Variants in MYH9 observed in about 807,000 individuals in gnomAD.
The protein encoded by MYH9 is myosin heavy chain 9, also known as myosin-9.
A neutral mutation model predicts 241.9 loss-of-function variants in MYH9; 29 were observed. That is an observed-to-expected ratio of 0.12 (90% CI 0.09 to 0.16). The LOEUF (loss-of-function observed/expected upper bound fraction) is 0.16. Among genes scored for constraint, MYH9 ranks in the 10% least tolerant of loss-of-function variants. The pLI is 1.00. For synonymous variants in MYH9, 1,047 were observed against 1,062.6 expected (o/e 0.99, Z 0.29); for missense variants, 1,803 against 2,595.5 (o/e 0.69, Z 6.63).
At chr22:36,356,784 T>C (rs2017864223) in intron 1 of MYH9, among the ~76,000 whole-genome samples, 1 of 152,162 alleles carries the variant, frequency 6.6e-6, no homozygotes, top group Non-Finnish European at 1.5e-5. Flanking sequence ...CCTAGGTGAC[T>C]AGGTGGAGTG....
chr22:36,287,215 CCTTTT>C (rs1334482309), intron 34 of MYH9, among the ~76,000 whole-genome samples: 1 of 152,204 alleles, frequency 6.6e-6, no homozygotes, highest in Non-Finnish European at 1.5e-5. Context: ...AAACACCTTT[CCTTTT>C]GTTATTCTCC....
In MYH9 at chr22:36,282,292, C is replaced by T; in HGVS notation, c.*376G>A. 2.5e-6 allele frequency: 1 copy of T among 404,742 alleles called. No individual in the cohort carries two copies. Among genetic ancestry groups the T allele is most frequent in the Admixed American group, 3.9e-5 (1 of 25,490 alleles). 25.1% of individuals were successfully genotyped at this position (404,742 alleles called of 1,614,324 possible). A position where few individuals can be genotyped will look rare whatever the true frequency, so the allele number is the denominator to read the frequency against. On this transcript the variant is annotated 3_prime_UTR_variant, in exon 41 of 41. Coordinates refer to ENST00000216181, the MANE Select transcript of MYH9 (RefSeq NM_002473.6). ...GCGGGGGCTCCGACTACCAAAAGGC[C>T]TCAGTCTGAAGAAAAATAGATTCAT...
chr22:36,287,629 C>A (rs2016609008), intron 34 of MYH9, among the ~76,000 whole-genome samples: 1 of 152,190 alleles, frequency 6.6e-6, no homozygotes, highest in Admixed American at 6.5e-5. Flanking sequence ...GTAGTCCCAG[C>A]TGCTGGGGAG....
chr22:36,347,135 G>A (rs2017689331), intron 2 of MYH9, among the ~76,000 whole-genome samples: 1 of 152,128 alleles, frequency 6.6e-6, no homozygotes, highest in Admixed American at 6.5e-5. Flanking sequence ...TGTGACCCCA[G>A]AGCCCGTTGC....
In MYH9 at chr22:36,294,080, C is replaced by T. The variant is rs932894556; in HGVS notation, c.3837+12G>A. On this transcript the variant is annotated intron_variant, in intron 28 of 40. Coordinates refer to ENST00000216181, the MANE Select transcript of MYH9 (RefSeq NM_002473.6). ...CCCACTGCCCGCGCCAGGGTCCTGG[C>T]GGAGGCCTCACCTGCAGCTTGGTGA... The T allele has an allele frequency of 6.2e-7, 1 of 1,606,674 alleles. No homozygotes were observed. The highest frequency in any genetic ancestry group is 2.2e-5 in the East Asian group (1 of 44,880).
intron 15 of MYH9, 89 bp downstream of exon 15, chr22:36,309,193 C>A: frequency 9.0e-7 from 1 of 1,108,084 alleles, no homozygotes; most frequent in Non-Finnish European, 1.4e-6. Flanking sequence ...CATGTGTACC[C>A]CTTGTTTGGC....
intron 31 of MYH9, among the ~76,000 whole-genome samples, chr22:36,290,680 G>A (rs1267693965): frequency 6.6e-6 from 1 of 150,756 alleles, no homozygotes; most frequent in Non-Finnish European, 1.5e-5. Flanking sequence ...CTGCCCGGCC[G>A]CCATCCCATC....
chr22:36,318,231 G>T lies in MYH9; in HGVS notation c.1203C>A (p.Val401=). 6.2e-7 allele frequency: 1 copy of T among 1,613,758 alleles called. No individual in the cohort carries two copies. The highest frequency in any genetic ancestry group is 1.3e-5 in the African/African-American group (1 of 74,696). ...TPRIKVGRDY[V]QKAQTKEQAD... ...CCTGCTCTTTAGTCTGCGCCTTCTGGACGTAATCCCGTCCCACCTTGATGC... is the reference window on the plus strand; with the variant it reads ...CCTGCTCTTTAGTCTGCGCCTTCTGTACGTAATCCCGTCCCACCTTGATGC... The change falls in exon 11 of 41, where the codon GTC becomes GTA. Residue 401 remains valine (V), a synonymous_variant. Coordinates refer to ENST00000216181, the MANE Select transcript of MYH9 (RefSeq NM_002473.6).
intron 1 of MYH9, among the ~76,000 whole-genome samples, chr22:36,374,899 C>T (rs1362812120): frequency 6.6e-6 from 1 of 152,176 alleles, no homozygotes; most frequent in Non-Finnish European, 1.5e-5. Context: ...CGAGGTCCCA[C>T]CCCTGCTCCC....
At chr22:36,304,973 G>T in intron 18 of MYH9, 60 bp downstream of exon 18, 1 of 1,540,150 alleles carries the variant, frequency 6.5e-7, no homozygotes, top group South Asian at 1.1e-5. Context: ...CTGGCCACGT[G>T]GGCACTCCCC....
At chr22:36,314,744 G>C (rs1046701067) in intron 12 of MYH9, among the ~76,000 whole-genome samples, 4 of 152,052 alleles carry the variant, frequency 2.6e-5, no homozygotes, top group South Asian at 2.1e-4. Context: ...CGCTTCCTGG[G>C]CTCAAGTGAT....
chr22:36,322,188 C>T (rs1375811227), intron 6 of MYH9, among the ~76,000 whole-genome samples: 1 of 152,254 alleles, frequency 6.6e-6, no homozygotes, highest in Admixed American at 6.5e-5. Context: ...CCCTCACTGG[C>T]CTTTCCACCT....
intron 18 of MYH9, 68 bp downstream of exon 18, chr22:36,304,964 TG>T: frequency 6.7e-7 from 1 of 1,489,020 alleles, no homozygotes; most frequent in Non-Finnish European, 9.4e-7. Flanking sequence ...AGGTGGGCCC[TG>T]GCCACGTGGG....
intron 35 of MYH9, among the ~76,000 whole-genome samples, chr22:36,286,470 T>C (rs2016582737): frequency 6.6e-6 from 1 of 151,992 alleles, no homozygotes; most frequent in Non-Finnish European, 1.5e-5. Flanking sequence ...CAGCAGGAGG[T>C]GGTGGTGGCC....
At chr22:36,370,572 A>T (rs1279384643) in intron 1 of MYH9, among the ~76,000 whole-genome samples, 1 of 152,000 alleles carries the variant, frequency 6.6e-6, no homozygotes, top group East Asian at 1.9e-4. Context: ...GCCATCCAAC[A>T]CTCGGGCCAG....
In MYH9 at chr22:36,293,748, G is replaced by A. The variant is rs191411867; in HGVS notation, c.3942+11C>T. 25 of 1,611,804 alleles carry A rather than the reference G, an allele frequency of 1.6e-5. No individual in the cohort carries two copies. The highest frequency in any genetic ancestry group is 4.5e-5 in the East Asian group (2 of 44,846). The stretch of plus-strand genomic sequence containing the variant: ...GGGGTCCACCTTCTGGGAACCTGGC[G>A]CCACCCCTACCTGAGTGTCCTGCAG... On this transcript the variant is annotated intron_variant, in intron 29 of 40. Transcript: ENST00000216181. This position sits in a 1 kb window ranked among gnomAD's most constrained non-coding sequence, Gnocchi z 5.1.
At chr22:36,327,610 G>A in intron 3 of MYH9, 122 bp from the exon 4 acceptor site, 1 of 1,167,376 alleles carries the variant, frequency 8.6e-7, no homozygotes, top group Non-Finnish European at 1.3e-6. Context: ...TCTTTGTGGG[G>A]ATCTCGCAGT....
intron 14 of MYH9, 102 bp downstream of exon 14, chr22:36,311,947 C>A (rs1275042149): frequency 4.2e-6 from 6 of 1,426,866 alleles, no homozygotes; most frequent in Admixed American, 1.7e-5. Flanking sequence ...TCAGGTCACA[C>A]CCCTGCGTCC....
At chr22:36,331,090 G>C (rs1177123014) in intron 3 of MYH9, among the ~76,000 whole-genome samples, 1 of 152,174 alleles carries the variant, frequency 6.6e-6, no homozygotes, top group Non-Finnish European at 1.5e-5. Flanking sequence ...ACTAGTCCAT[G>C]TGTCTGGAGC....
Sources: gnomAD v4.1 joint callset for allele counts (sites outside exome capture counted in the v4.1 genomes callset) on GRCh38, gnomAD v4.1.1 for gene constraint, Gnocchi (gnomAD v3.1) non-coding constraint, MANE v1.5 for transcripts, NCBI Gene and HGNC (gene_info 2026-07-23, HGNC 2026-07-21) for gene names.